The following TFPI variants were observed in gnomAD, a reference collection of about 807,000 sequenced individuals.
TFPI encodes tissue factor pathway inhibitor, also known as anti-convertin.
Under a neutral mutation model 34.6 loss-of-function variants are expected in TFPI, and 15 were observed. The ratio of observed to expected loss-of-function variants is 0.43; its 90% CI spans 0.29 to 0.67. The LOEUF (loss-of-function observed/expected upper bound fraction) is 0.67, where lower values mean the gene tolerates loss of function less well. Ranked by LOEUF, TFPI falls within the 30% of genes least tolerant of loss-of-function variation. The probability of loss-of-function intolerance (pLI) is 0.15; values close to 1 mark genes in which losing one functional copy is unlikely to be tolerated. For synonymous variants in TFPI, 105 were observed against 120.1 expected, an observed-to-expected ratio of 0.87 and a Z score of 0.82; for missense variants, 301 against 364.0, an observed-to-expected ratio of 0.83 and a Z score of 1.41.
intron 3 of TFPI, among the ~76,000 whole-genome samples, chr2:187,494,147 T>C (rs1387107112): frequency 1.3e-5 from 2 of 152,126 alleles, no homozygotes; most frequent in African/African-American, 2.4e-5. Flanking sequence ...ACCCATTCAC[T>C]ACCACGATAA....
chr2:187,496,862 AG>A lies in TFPI; in HGVS notation c.319+18del. 1 of 1,611,034 alleles carries A rather than the reference AG, an allele frequency of 6.2e-7. No individual in the cohort carries two copies. Among genetic ancestry groups the A allele is most frequent in the Non-Finnish European group, 8.5e-7 (1 of 1,178,352 alleles). ...TAGCCCTAAAGGGTCTTGAGTAATA[AG>A]GGTTCCCAGAAACCTACCTCTTGTA... is the stretch of plus-strand genomic sequence containing the variant. On this transcript the variant is annotated intron_variant, in intron 3 of 7. Transcript: ENST00000233156.
intron 1 of TFPI, chr2:187,547,680 T>C (rs1052845668): frequency 3.3e-5 from 5 of 152,198 alleles, no homozygotes; most frequent in Non-Finnish European, 4.4e-5. Flanking sequence ...CCATGAAGGA[T>C]GAGAACTATG....
At chr2:187,545,225 G>A (rs1441138343) in intron 1 of TFPI, among the ~76,000 whole-genome samples, 1 of 152,168 alleles carries the variant, frequency 6.6e-6, no homozygotes, top group Non-Finnish European at 1.5e-5. Flanking sequence ...ACTGTTCACT[G>A]TATAGAATTA....
At chr2:187,488,536 A>C (rs1480684974) in intron 3 of TFPI, among the ~76,000 whole-genome samples, 161 bp from the exon 4 acceptor site, 3 of 151,398 alleles carry the variant, frequency 2.0e-5, no homozygotes, top group African/African-American at 4.8e-5. Flanking sequence ...TTCTCTAAAA[A>C]TTAATCTTTT....
At chr2:187,507,707 T>C (rs367947603) in intron 1 of TFPI, among the ~76,000 whole-genome samples, 186 of 152,334 alleles carry the variant, frequency 1.2e-3, no homozygotes, top group African/African-American at 2.8e-3. Context: ...ATCCTAGATA[T>C]TAGCCTTCTG....
At chr2:187,489,225 T>G (rs530480710) in intron 3 of TFPI, among the ~76,000 whole-genome samples, 1 of 151,408 alleles carries the variant, frequency 6.6e-6, no homozygotes, top group East Asian at 1.9e-4. Context: ...ATAATATGAA[T>G]TGGGTTATAA....
chr2:187,505,830 T>C (rs1398094402), intron 1 of TFPI, among the ~76,000 whole-genome samples: 2 of 152,036 alleles, frequency 1.3e-5, no homozygotes, highest in Non-Finnish European at 2.9e-5. Flanking sequence ...CAAATATTAA[T>C]GGAACCATAT....
chr2:187,539,454 C>T (rs1210242104), intron 1 of TFPI, among the ~76,000 whole-genome samples: 1 of 152,176 alleles, frequency 6.6e-6, no homozygotes, highest in Non-Finnish European at 1.5e-5. Flanking sequence ...TGGAAAAACA[C>T]ACTAACCATC....
At chr2:187,503,505 A>G in intron 2 of TFPI, 143 bp downstream of exon 2, 2 of 893,078 alleles carry the variant, frequency 2.2e-6, no homozygotes, top group Non-Finnish European at 3.3e-6. Context: ...ACACACATAC[A>G]TTAGGTATAA....
intron 6 of TFPI, among the ~76,000 whole-genome samples, chr2:187,482,390 A>C (rs929774121): frequency 3.3e-5 from 5 of 152,046 alleles, no homozygotes; most frequent in African/African-American, 1.2e-4. Flanking sequence ...ACAAAGCTGG[A>C]AAGACATAAA....
intron 6 of TFPI, among the ~76,000 whole-genome samples, chr2:187,483,143 T>C (rs1693000262): frequency 6.6e-6 from 1 of 152,008 alleles, no homozygotes; most frequent in East Asian, 1.9e-4. Flanking sequence ...TTCTGTTGGC[T>C]TGCTTGCTTA....
At chr2:187,539,674 G>A (rs1688464319) in intron 1 of TFPI, among the ~76,000 whole-genome samples, 1 of 152,044 alleles carries the variant, frequency 6.6e-6, no homozygotes, top group Admixed American at 6.6e-5. Flanking sequence ...AGTAGATAGA[G>A]AGCTAGAAAA....
intron 6 of TFPI, among the ~76,000 whole-genome samples, chr2:187,477,961 A>C (rs961008711): frequency 6.6e-6 from 1 of 152,106 alleles, no homozygotes; most frequent in East Asian, 1.9e-4. Flanking sequence ...TGGGTCAGGT[A>C]TATAGGAGTT....
chr2:187,472,186 C>T (rs898151834), intron 6 of TFPI, among the ~76,000 whole-genome samples: 4 of 151,966 alleles, frequency 2.6e-5, no homozygotes, highest in Non-Finnish European at 4.4e-5. Context: ...TATTACTATA[C>T]TTGATAATAT....
chr2:187,532,030 G>A (rs1269067500), intron 1 of TFPI, among the ~76,000 whole-genome samples: 2 of 151,644 alleles, frequency 1.3e-5, no homozygotes, highest in Admixed American at 6.6e-5. Context: ...TTTTTACACT[G>A]GAAAAGTAAT....
chr2:187,471,673 C>T (rs946551606), intron 6 of TFPI, among the ~76,000 whole-genome samples: 3 of 150,994 alleles, frequency 2.0e-5, no homozygotes, highest in Non-Finnish European at 4.4e-5. Flanking sequence ...TTTTTTAAAT[C>T]AGGAACTATC....
At chr2:187,542,179 G>A (rs1688615353) in intron 1 of TFPI, among the ~76,000 whole-genome samples, 1 of 152,072 alleles carries the variant, frequency 6.6e-6, no homozygotes, top group Non-Finnish European at 1.5e-5. Context: ...GTCAAAAGCT[G>A]TAAGAAAAGT....
chr2:187,481,128 T>C (rs1231721658), intron 6 of TFPI, among the ~76,000 whole-genome samples: 2 of 152,102 alleles, frequency 1.3e-5, no homozygotes, highest in East Asian at 1.9e-4. Context: ...TACTTAAAGA[T>C]TGTTATTTAG....
intron 1 of TFPI, chr2:187,516,866 C>G (rs1687041704): frequency 6.6e-6 from 1 of 152,256 alleles, no homozygotes. Context: ...TGCACACAGC[C>G]CCCAGTCACG....
Sources: gnomAD v4.1 joint callset for allele counts (sites outside exome capture counted in the v4.1 genomes callset) on GRCh38, gnomAD v4.1.1 for gene constraint, MANE v1.5 for transcripts, NCBI Gene and HGNC (gene_info 2026-07-23, HGNC 2026-07-21) for gene names.